The following WSCD2 variants were observed in gnomAD, a reference collection of about 807,000 sequenced individuals.
The protein encoded by WSCD2 is sialate:O-sulfotransferase 2.
In WSCD2, 28 loss-of-function variants were observed where a neutral mutation model predicts 55.7. The ratio of observed to expected loss-of-function variants is 0.50; its 90% CI spans 0.37 to 0.69. The LOEUF (loss-of-function observed/expected upper bound fraction) is 0.69, where lower values mean the gene tolerates loss of function less well. Among genes scored for constraint, WSCD2 ranks in the 30% least tolerant of loss-of-function variants. The pLI, the probability that WSCD2 is intolerant of heterozygous loss-of-function variation, is 0.00. For missense variants in WSCD2, 616 were observed against 762.1 expected (o/e 0.81, Z 2.26); for synonymous variants, 301 against 301.9 (o/e 1.00, Z 0.03).
intron 2 of WSCD2, among the ~76,000 whole-genome samples, chr12:108,196,748 G>C (rs1883976580): frequency 6.6e-6 from 1 of 152,174 alleles, no homozygotes; most frequent in African/African-American, 2.4e-5. Context: ...TGGGTCCCTT[G>C]GTGATGGATC....
chr12:108,132,638 CTGG>C (rs1875715261), intron 1 of WSCD2, among the ~76,000 whole-genome samples: 1 of 152,192 alleles, frequency 6.6e-6, no homozygotes, highest in Admixed American at 6.5e-5. Context: ...TCATGTGTGT[CTGG>C]GCTAAGCAGG....
intron 8 of WSCD2, among the ~76,000 whole-genome samples, chr12:108,246,009 A>G (rs1346288470): frequency 6.6e-6 from 1 of 152,228 alleles, no homozygotes; most frequent in East Asian, 1.9e-4. Flanking sequence ...GCAAATTTCA[A>G]TTTAGTTCAA....
chr12:108,206,164 AAAGG>A (rs1362427584), intron 2 of WSCD2, 121 bp from the exon 3 acceptor site: 7 of 771,470 alleles, frequency 9.1e-6, no homozygotes, highest in Admixed American at 2.2e-5. Flanking sequence ...ATTTCTGCCC[AAAGG>A]AAGGACTTGA....
intron 7 of WSCD2, among the ~76,000 whole-genome samples, chr12:108,240,088 T>C (rs1448311945): frequency 6.6e-6 from 1 of 152,190 alleles, no homozygotes; most frequent in Non-Finnish European, 1.5e-5. Context: ...TTTATTTGTG[T>C]TCACTATTTG....
chr12:108,147,391 C>T (rs1353886982), intron 1 of WSCD2, among the ~76,000 whole-genome samples: 1 of 152,080 alleles, frequency 6.6e-6, no homozygotes, highest in Non-Finnish European at 1.5e-5. Flanking sequence ...TGCTAACAGC[C>T]ATTGGGAGCC....
intron 2 of WSCD2, among the ~76,000 whole-genome samples, chr12:108,203,675 A>G (rs1393608184): frequency 6.6e-6 from 1 of 151,954 alleles, no homozygotes; most frequent in African/African-American, 2.4e-5. Context: ...ATACATCTTT[A>G]CTCCCATTAA....
At chr12:108,151,101 A>G (rs1877950861) in intron 1 of WSCD2, among the ~76,000 whole-genome samples, 1 of 151,998 alleles carries the variant, frequency 6.6e-6, no homozygotes, top group South Asian at 2.1e-4. Flanking sequence ...GCCATCTCCC[A>G]GGGAGCTCAC....
In WSCD2 at chr12:108,180,624, C is replaced by G. The variant is rs114965406; in HGVS notation, c.-551-14658C>G. Among the ~76,000 whole-genome samples the G allele has an allele frequency of 8.8e-3, 1,333 of 152,312 alleles. 29 individuals are homozygous for G. The highest frequency in any genetic ancestry group is 0.03 in the African/African-American group (1,261 of 41,550). On this transcript the variant is annotated intron_variant, in intron 1 of 8. Coordinates refer to ENST00000547525, the MANE Select transcript of WSCD2 (RefSeq NM_014653.4). ...TTTTACTAAGCAAGAGCCAGAGGAA[C>G]AGAAAGCTCAGTCCACTTGCTCTAG... is the stretch of plus-strand genomic sequence containing the variant.
intron 2 of WSCD2, among the ~76,000 whole-genome samples, chr12:108,198,326 G>A (rs966707399): frequency 6.6e-6 from 1 of 152,100 alleles, no homozygotes; most frequent in African/African-American, 2.4e-5. Context: ...CTATCCCTTT[G>A]CCTGGAGTAC....
chr12:108,144,268 C>A (rs1020339475), intron 1 of WSCD2, among the ~76,000 whole-genome samples: 1 of 152,110 alleles, frequency 6.6e-6, no homozygotes, highest in Non-Finnish European at 1.5e-5. Context: ...GTTCTACAAA[C>A]CTGGGTCATA....
At position 108,149,532 on chromosome 12, in the gene WSCD2, C is replaced by T. The variant is rs78036352; in HGVS notation, c.-552+19606C>T. On this transcript the variant is annotated intron_variant, in intron 1 of 8. Coordinates refer to ENST00000547525, the MANE Select transcript of WSCD2 (RefSeq NM_014653.4). Reference sequence around the variant, plus strand: ...CCTGTGATGAAAGTCCTGTTGAGGGCCCACTTGACAGATGAGGAAGCTGAG... The same window carrying T: ...CCTGTGATGAAAGTCCTGTTGAGGGTCCACTTGACAGATGAGGAAGCTGAG... Among the ~76,000 whole-genome samples the T allele has an allele frequency of 2.0e-3, 311 of 152,276 alleles. 1 individual carries two copies. The highest frequency in any genetic ancestry group is 7.2e-3 in the African/African-American group (298 of 41,558).
In WSCD2 at chr12:108,239,408, A is replaced by C. The variant is rs374638273; in HGVS notation, c.1145-936A>C. Among the ~76,000 whole-genome samples, 14 of 152,284 alleles carry C rather than the reference A, an allele frequency of 9.2e-5. 1 individual carries two copies. The South Asian group carries it at 2.5e-3, about 27-fold the overall frequency. ...TGAGCTGACTGGGCTGCCCACCTCCAGGCTGCAGGTTAGGACCATGTCTAT... is the reference window on the plus strand; with the variant it reads ...TGAGCTGACTGGGCTGCCCACCTCCCGGCTGCAGGTTAGGACCATGTCTAT... On this transcript the variant is annotated intron_variant, in intron 7 of 8. Transcript: ENST00000547525.
chr12:108,196,009 T>C lies in WSCD2; in HGVS notation c.177T>C (p.Ala59=), dbSNP rs749620564. 8.9e-5 allele frequency: 143 copies of C among 1,614,108 alleles called. No homozygotes were observed. Among genetic ancestry groups the C allele is most frequent in the Non-Finnish European group, 1.2e-4 (140 of 1,180,046 alleles). The change falls in exon 2 of 9, where the codon GCT becomes GCC. Residue 59 remains alanine, a synonymous_variant. Coordinates refer to ENST00000547525, the MANE Select transcript of WSCD2 (RefSeq NM_014653.4). Reference sequence around the variant, plus strand: ...ACCCCGCTGCTGCAGGAGGCCCAGCTGAGGGTGCTGAGCTGTCCTTCTTGG... The same window carrying C: ...ACCCCGCTGCTGCAGGAGGCCCAGCCGAGGGTGCTGAGCTGTCCTTCTTGG... ...QANPAAAGGP[A]EGAELSFLGD...
intron 2 of WSCD2, among the ~76,000 whole-genome samples, chr12:108,202,967 T>C (rs1240834789): frequency 6.6e-6 from 1 of 152,210 alleles, no homozygotes; most frequent in African/African-American, 2.4e-5. Context: ...ATCCTCCTCC[T>C]GGGCAGGTCT....
chr12:108,248,010 G>A lies in WSCD2; in HGVS notation c.1365G>A (p.Arg455=), dbSNP rs748710365. Residue 455 remains arginine, a synonymous_variant, in exon 9 of 9, where the codon AGG becomes AGA. Coordinates refer to ENST00000547525, the MANE Select transcript of WSCD2 (RefSeq NM_014653.4). The surrounding 1 kb of genome is among the most constrained non-coding windows in gnomAD (Gnocchi z 4.3). ...WKGKEWPEFV[R]NYAPWWATHT... Reference sequence around the variant, plus strand: ...CTGCAGAGTGGCCAGAGTTCGTGAGGAACTATGCCCCGTGGTGGGCCACTC... The same window carrying A: ...CTGCAGAGTGGCCAGAGTTCGTGAGAAACTATGCCCCGTGGTGGGCCACTC... The A allele has an allele frequency of 8.1e-6, 13 of 1,613,492 alleles. No individual in the cohort carries two copies. The highest frequency in any genetic ancestry group is 1.7e-4 in the Middle Eastern group (1 of 6,058).
chr12:108,214,353 G>C (rs1417407677), intron 4 of WSCD2, among the ~76,000 whole-genome samples: 1 of 152,206 alleles, frequency 6.6e-6, no homozygotes, highest in East Asian at 1.9e-4. Flanking sequence ...TCCCATAATA[G>C]TGAGAGCATT....
intron 2 of WSCD2, among the ~76,000 whole-genome samples, chr12:108,204,584 GGC>G (rs1885099393): frequency 6.6e-6 from 1 of 152,202 alleles, no homozygotes; most frequent in Non-Finnish European, 1.5e-5. Flanking sequence ...TGGTGGGAGG[GGC>G]GCGCGCTGTT....
At chr12:108,238,991 G>A (rs1414673697) in intron 7 of WSCD2, among the ~76,000 whole-genome samples, 1 of 152,146 alleles carries the variant, frequency 6.6e-6, no homozygotes, top group Non-Finnish European at 1.5e-5. Flanking sequence ...TATGTAAAGG[G>A]CTTAGACTAG....
intron 7 of WSCD2, among the ~76,000 whole-genome samples, chr12:108,237,562 C>T (rs1889368649): frequency 6.6e-6 from 1 of 152,220 alleles, no homozygotes; most frequent in Non-Finnish European, 1.5e-5. Context: ...GTTACCTAGA[C>T]AGGCCCTCTT....
Sources: gnomAD v4.1 joint callset for allele counts (sites outside exome capture counted in the v4.1 genomes callset) on GRCh38, gnomAD v4.1.1 for gene constraint, Gnocchi (gnomAD v3.1) non-coding constraint, MANE v1.5 for transcripts, NCBI Gene and HGNC (gene_info 2026-07-23, HGNC 2026-07-21) for gene names.